EPSTI1: variants seen among roughly 807,000 people sequenced by gnomAD.
EPSTI1 encodes the protein epithelial-stromal interaction protein 1.
EPSTI1 carries 66 observed loss-of-function variants against 49.9 expected under a neutral mutation model. That is an observed-to-expected ratio of 1.32 (90% CI 1.08 to 1.62). The LOEUF is 1.62. Among genes scored for constraint, EPSTI1 ranks in the 40% most tolerant of loss-of-function variants. EPSTI1 has a pLI of 0.00. For missense variants in EPSTI1, 394 were observed against 365.5 expected, an observed-to-expected ratio of 1.08 and a Z score of -0.64; for synonymous variants, 137 against 130.7, an observed-to-expected ratio of 1.05 and a Z score of -0.33.
At chr13:42,911,467 T>C (rs905449724) in intron 8 of EPSTI1, among the ~76,000 whole-genome samples, 5 of 152,204 alleles carry the variant, frequency 3.3e-5, no homozygotes, top group African/African-American at 1.2e-4. Context: ...TTCAGCCTCC[T>C]GGGGGAAGTA....
chr13:42,959,795 A>C (rs1463461799), intron 5 of EPSTI1, among the ~76,000 whole-genome samples: 1 of 152,212 alleles, frequency 6.6e-6, no homozygotes, highest in Non-Finnish European at 1.5e-5. Context: ...TGGGGAATCA[A>C]ATGAAGTATA....
chr13:42,969,273 T>A, intron 2 of EPSTI1, 96 bp from the exon 3 acceptor site: 1 of 1,176,342 alleles, frequency 8.5e-7, no homozygotes, highest in Non-Finnish European at 1.2e-6. Flanking sequence ...AGAAGGCAAT[T>A]AACTATATGT....
chr13:42,932,141 C>T (rs117146440), intron 6 of EPSTI1, among the ~76,000 whole-genome samples: 2,752 of 151,954 alleles, frequency 0.018, 64 homozygotes, highest in South Asian at 0.099. Context: ...CTGTGTTGCC[C>T]GGGCTGATCT....
intron 8 of EPSTI1, among the ~76,000 whole-genome samples, chr13:42,906,124 G>A (rs1333001136): frequency 2.0e-5 from 3 of 152,218 alleles, no homozygotes; most frequent in Non-Finnish European, 4.4e-5. Context: ...GCTCTGCTGG[G>A]GAGCTGCAGG....
chr13:42,967,903 TCTA>T (rs1218306821), intron 3 of EPSTI1, among the ~76,000 whole-genome samples: 1 of 152,178 alleles, frequency 6.6e-6, no homozygotes, highest in African/African-American at 2.4e-5. Context: ...CACACCCTGT[TCTA>T]CTTGCTGGAT....
intron 1 of EPSTI1, among the ~76,000 whole-genome samples, chr13:42,974,077 T>A (rs1420556365): frequency 5.3e-5 from 8 of 152,212 alleles, no homozygotes. Flanking sequence ...GGCTCATGCC[T>A]GTAATCTCAG....
At position 42,964,085 on chromosome 13, in the gene EPSTI1, T is replaced by G; in HGVS notation, c.386A>C (p.Gln129Pro). ...TCTGACCTTTTGCTTGTATTTAGAT[T>G]GCATCAGCTGGAGTTGTTGTTTCTG... ...VRQKQQLQLM[Q>P]SKYKQKLKRE... Residue 129 changes from glutamine to proline, a missense_variant, in exon 4 of 11, where the codon CAA becomes CCA. By Grantham distance (76) the Gln-to-Pro change is moderately conservative (BLOSUM62 -1). Coordinates refer to ENST00000313624, the MANE Select transcript of EPSTI1 (RefSeq NM_033255.5). 6.2e-7 allele frequency: 1 copy of G among 1,613,558 alleles called. No homozygotes were observed. The highest frequency in any genetic ancestry group is 1.1e-5 in the South Asian group (1 of 91,016).
chr13:42,939,001 A>G (rs1052048874), intron 6 of EPSTI1, among the ~76,000 whole-genome samples: 1 of 151,284 alleles, frequency 6.6e-6, no homozygotes, highest in Non-Finnish European at 1.5e-5. Context: ...TGCAGTTTCT[A>G]CATCAGCACT....
chr13:42,953,949 AT>A lies in EPSTI1; in HGVS notation c.561del (p.Gln187HisfsTer8). 1.9e-6 allele frequency: 3 copies of A among 1,611,606 alleles called. No homozygotes were observed. The highest frequency in any genetic ancestry group is 1.7e-5 in the Admixed American group (1 of 59,672). ...GAAGTTCTGAAAACATTAACTTACT[AT>A]TGCTGATGCTCTCTAAATGCTTCTC... ...LRREAFREHQ[Q>X]YKTAEFLSKL... is the part of the protein sequence containing the mutation. On this transcript the variant is annotated frameshift_variant and splice_region_variant, in exon 6 of 11. Coordinates refer to ENST00000313624, the MANE Select transcript of EPSTI1 (RefSeq NM_033255.5). LOFTEE classifies it high-confidence loss of function.
intron 7 of EPSTI1, among the ~76,000 whole-genome samples, chr13:42,925,565 C>A (rs1181970858): frequency 6.6e-6 from 1 of 152,168 alleles, no homozygotes; most frequent in Non-Finnish European, 1.5e-5. Context: ...ACTGTCCCAC[C>A]TGAATTTCCA....
chr13:42,989,197 A>G (rs983725504), intron 1 of EPSTI1, among the ~76,000 whole-genome samples: 5 of 151,940 alleles, frequency 3.3e-5, no homozygotes, highest in Non-Finnish European at 5.9e-5. Flanking sequence ...TTTTTTTAAC[A>G]AGGCACAAAC....
intron 6 of EPSTI1, among the ~76,000 whole-genome samples, chr13:42,932,475 GC>G (rs1327654918): frequency 6.6e-6 from 1 of 151,678 alleles, no homozygotes. Flanking sequence ...TACCACTTAA[GC>G]CCCCACACCT....
rs1459099768 is a variant in EPSTI1, at chr13:42,887,016, G to A, written c.*1478C>T. ...AACTGTAAGGTAGCCAGGCTGGCAGGTGTAGGGCCGAAATGGCTGCACACC... is the reference window on the plus strand; with the variant it reads ...AACTGTAAGGTAGCCAGGCTGGCAGATGTAGGGCCGAAATGGCTGCACACC... On this transcript the variant is annotated 3_prime_UTR_variant, in exon 11 of 11. Transcript: ENST00000313624. 2 of 152,202 alleles carry A rather than the reference G, an allele frequency of 1.3e-5. No homozygotes were observed. The highest frequency in any genetic ancestry group is 6.5e-5 in the Admixed American group (1 of 15,282). 9.4% of individuals were successfully genotyped at this position (152,202 alleles called of 1,614,324 possible). A position where few individuals can be genotyped will look rare whatever the true frequency, so the allele number is the denominator to read the frequency against.
At chr13:42,961,589 C>G (rs1594733808) in intron 5 of EPSTI1, among the ~76,000 whole-genome samples, 1 of 152,224 alleles carries the variant, frequency 6.6e-6, no homozygotes, top group African/African-American at 2.4e-5. Context: ...GGTTGACTTT[C>G]ACACCTGTCT....
chr13:42,958,748 C>G (rs2039350902), intron 5 of EPSTI1, among the ~76,000 whole-genome samples: 1 of 151,254 alleles, frequency 6.6e-6, no homozygotes. Context: ...ATAAAGCCAG[C>G]AAGGATTTTG....
intron 6 of EPSTI1, among the ~76,000 whole-genome samples, chr13:42,946,514 G>A (rs893826818): frequency 2.0e-5 from 3 of 152,086 alleles, no homozygotes. Flanking sequence ...GTTTAATTAC[G>A]GTACTAATCC....
At position 42,969,591 on chromosome 13, in the gene EPSTI1, C is replaced by T. The variant is rs575750905; in HGVS notation, c.248-414G>A. The T allele has an allele frequency of 2.6e-5, 5 of 196,078 alleles. No homozygotes were observed. The South Asian group carries it at 4.1e-4, about 16-fold the overall frequency. 12.1% of individuals were successfully genotyped at this position (196,078 alleles called of 1,614,324 possible). A position where few individuals can be genotyped will look rare whatever the true frequency, so the allele number is the denominator to read the frequency against. ...ACATATCCCCAGAGAATTCTGATGC[C>T]CATACTCGCTTTATCTTCAATGCTC... On this transcript the variant is annotated intron_variant, in intron 2 of 10. Coordinates refer to ENST00000313624, the MANE Select transcript of EPSTI1 (RefSeq NM_033255.5).
intron 10 of EPSTI1, among the ~76,000 whole-genome samples, chr13:42,894,451 T>C (rs1444184369): frequency 1.3e-5 from 2 of 152,234 alleles, no homozygotes; most frequent in African/African-American, 4.8e-5. Context: ...TTCAATAATA[T>C]ATCATGCACA....
chr13:42,954,582 A>T (rs1191441953), intron 5 of EPSTI1, among the ~76,000 whole-genome samples: 1 of 152,090 alleles, frequency 6.6e-6, no homozygotes, highest in Non-Finnish European at 1.5e-5. Flanking sequence ...CTTTTTTTTA[A>T]TTAGCTGTTT....
Sources: allele counts gnomAD v4.1 joint callset (sites outside exome capture counted in the v4.1 genomes callset), GRCh38; gene constraint gnomAD v4.1.1; transcripts MANE v1.5; gene names NCBI Gene and HGNC (gene_info 2026-07-23, HGNC 2026-07-21).